Variants in CCDC141 observed in about 807,000 individuals in gnomAD.
CCDC141 encodes coiled-coil domain-containing protein 141.
CCDC141 carries 168 observed loss-of-function variants against 181.0 expected under a neutral mutation model. That is an observed-to-expected ratio of 0.93 (90% CI 0.82 to 1.05). CCDC141 has a LOEUF of 1.05. CCDC141 is among the 50% of genes least tolerant of loss of function. The probability of loss-of-function intolerance (pLI) is 0.00; values close to 1 mark genes in which losing one functional copy is unlikely to be tolerated. For missense variants in CCDC141, 1,902 were observed against 1,788.5 expected (o/e 1.06, Z -1.14); for synonymous variants, 666 against 642.3 (o/e 1.04, Z -0.56).
At chr2:178,915,003 C>A (rs530715118) in intron 7 of CCDC141, among the ~76,000 whole-genome samples, 386 of 151,954 alleles carry the variant, frequency 2.5e-3, no homozygotes, top group Non-Finnish European at 4.6e-3. Context: ...AGCAACATGG[C>A]AAAATCCCAT....
In CCDC141 at chr2:179,018,213, T is replaced by C. The variant is rs184289510; in HGVS notation, c.225+29071A>G. On this transcript the variant is annotated intron_variant, in intron 2 of 23. Coordinates refer to ENST00000443758, the MANE Select transcript of CCDC141 (RefSeq NM_173648.4). ...GACCACAAAAAAGGATTATGGACTT[T>C]CTCTTCAGTAGAGTGTTAAATGGTC... 1.7e-3 allele frequency among the ~76,000 whole-genome samples: 265 copies of C among 152,212 alleles called. 2 individuals carry two copies. Among genetic ancestry groups the C allele is most frequent in the South Asian group, 0.017 (81 of 4,806 alleles).
intron 5 of CCDC141, among the ~76,000 whole-genome samples, chr2:178,945,638 C>G (rs1230974086): frequency 6.6e-6 from 1 of 152,120 alleles, no homozygotes; most frequent in African/African-American, 2.4e-5. Context: ...GACTTCAAAT[C>G]TGAAAAATGA....
chr2:178,899,843 C>T (rs1407572214), intron 8 of CCDC141, among the ~76,000 whole-genome samples: 1 of 152,124 alleles, frequency 6.6e-6, no homozygotes, highest in Non-Finnish European at 1.5e-5. Context: ...CTATTTCTTT[C>T]CTGTGATGAT....
intron 2 of CCDC141, among the ~76,000 whole-genome samples, chr2:179,014,944 T>A (rs1349992023): frequency 6.6e-6 from 1 of 150,748 alleles, no homozygotes; most frequent in African/African-American, 2.4e-5. Context: ...GGAAAAGAAA[T>A]CATTATTCGA....
chr2:178,834,798 T>C (rs1459055501), intron 23 of CCDC141, among the ~76,000 whole-genome samples: 1 of 151,556 alleles, frequency 6.6e-6, no homozygotes, highest in African/African-American at 2.4e-5. Context: ...CAGGCTGGTC[T>C]TGAACTCCTG....
At chr2:179,018,996 T>G (rs2042622378) in intron 2 of CCDC141, among the ~76,000 whole-genome samples, 1 of 152,180 alleles carries the variant, frequency 6.6e-6, no homozygotes, top group Non-Finnish European at 1.5e-5. Flanking sequence ...TCCATTTGAT[T>G]ATAATTTCCC....
rs574224289 is a variant in CCDC141, at chr2:179,007,712, G to A, written c.226-29037C>T. Among the ~76,000 whole-genome samples the A allele has an allele frequency of 2.6e-5, 4 of 152,216 alleles. No individual in the cohort carries two copies. In the South Asian group the frequency reaches 8.4e-4, roughly 32 times the overall value. ...TATAATAAAACCTCAACTAATGAAT[G>A]CAATAATACTATCTCTTCTTTTACC... On this transcript the variant is annotated intron_variant, in intron 2 of 23. Transcript: ENST00000443758.
chr2:179,041,322 C>T (rs2043295109), intron 2 of CCDC141, among the ~76,000 whole-genome samples: 1 of 151,950 alleles, frequency 6.6e-6, no homozygotes, highest in Non-Finnish European at 1.5e-5. Flanking sequence ...ATTATAATAA[C>T]AGTCATTCTG....
chr2:178,888,804 A>G (rs1687010361), intron 8 of CCDC141, 136 bp from the exon 9 acceptor site: 2 of 888,850 alleles, frequency 2.3e-6, no homozygotes, highest in Admixed American at 2.7e-5. Flanking sequence ...TTAAGTAGCT[A>G]TCATCTCGGC....
At chr2:178,927,056 T>A (rs1420910255) in intron 6 of CCDC141, among the ~76,000 whole-genome samples, 2 of 152,248 alleles carry the variant, frequency 1.3e-5, no homozygotes, top group African/African-American at 4.8e-5. Context: ...AATAGCTATG[T>A]ACTCTATTAT....
chr2:178,918,626 C>T, intron 7 of CCDC141, 87 bp downstream of exon 7: 4 of 1,107,342 alleles, frequency 3.6e-6, no homozygotes, highest in Non-Finnish European at 5.1e-6. Flanking sequence ...GTTTTGACTT[C>T]TGTGATGTGC....
At chr2:179,009,841 T>C (rs542639466) in intron 2 of CCDC141, among the ~76,000 whole-genome samples, 2 of 152,202 alleles carry the variant, frequency 1.3e-5, no homozygotes, top group South Asian at 4.2e-4. Context: ...GGTTACTTAT[T>C]AAGCTAATCA....
chr2:178,978,734 T>A (rs754867625), intron 2 of CCDC141, 59 bp from the exon 3 acceptor site: 25 of 1,311,290 alleles, frequency 1.9e-5, no homozygotes, highest in Non-Finnish European at 2.5e-5. Flanking sequence ...GAACACAGGA[T>A]CACATTTTAA....
At chr2:178,824,077 C>T in the CCDC141 span, among the ~76,000 whole-genome samples, 2 of 152,050 alleles carry the variant, frequency 1.3e-5, no homozygotes, top group African/African-American at 4.8e-5. Flanking sequence ...CACACACACA[C>T]ACACACACAC....
downstream of CCDC141, among the ~76,000 whole-genome samples, chr2:178,828,239 A>G (rs1684153680): frequency 1.3e-5 from 2 of 152,158 alleles, no homozygotes; most frequent in African/African-American, 4.8e-5. Context: ...TCCAGAATCC[A>G]CAGGAAATTC....
chr2:178,855,972 T>G (rs954441931), intron 18 of CCDC141, among the ~76,000 whole-genome samples: 1 of 152,136 alleles, frequency 6.6e-6, no homozygotes, highest in African/African-American at 2.4e-5. Context: ...AGAAGGCACG[T>G]GCATGCATCC....
chr2:178,818,350 T>C, the CCDC141 span, among the ~76,000 whole-genome samples: 1 of 152,208 alleles, frequency 6.6e-6, no homozygotes, highest in African/African-American at 2.4e-5. Context: ...ACATGTGCCA[T>C]GGTGGTTTGC....
At chr2:179,012,837 C>A (rs1216240604) in intron 2 of CCDC141, among the ~76,000 whole-genome samples, 2 of 151,964 alleles carry the variant, frequency 1.3e-5, no homozygotes, top group Non-Finnish European at 2.9e-5. Context: ...ATGTGATATA[C>A]CACGTAAACA....
At chr2:178,867,258 C>A (rs1383021739) in intron 16 of CCDC141, among the ~76,000 whole-genome samples, 2 of 152,168 alleles carry the variant, frequency 1.3e-5, no homozygotes, top group East Asian at 3.8e-4. Context: ...ACTCTAAGAT[C>A]TAGATGGTCT....
Sources: allele counts gnomAD v4.1 joint callset (sites outside exome capture counted in the v4.1 genomes callset), GRCh38; gene constraint gnomAD v4.1.1; transcripts MANE v1.5; gene names NCBI Gene and HGNC (gene_info 2026-07-23, HGNC 2026-07-21).